Variants in PRELID2 observed in about 807,000 individuals in gnomAD.
PRELID2 encodes the protein PRELI domain-containing protein 2.
In PRELID2, 25 loss-of-function variants were observed where a neutral mutation model predicts 28.4. The ratio of observed to expected loss-of-function variants is 0.88; its 90% CI spans 0.64 to 1.23. The LOEUF (loss-of-function observed/expected upper bound fraction) is 1.23. Among genes scored for constraint, PRELID2 ranks in the 50% most tolerant of loss-of-function variants. PRELID2 has a pLI of 0.00. For synonymous variants in PRELID2, 76 were observed against 71.6 expected, an observed-to-expected ratio of 1.06 and a Z score of -0.31; for missense variants, 201 against 214.4, an observed-to-expected ratio of 0.94 and a Z score of 0.39.
At chr5:145,560,135 T>C (rs750125047) in intron 1 of PRELID2, among the ~76,000 whole-genome samples, 6 of 152,170 alleles carry the variant, frequency 3.9e-5, no homozygotes, top group Non-Finnish European at 8.8e-5. Context: ...GTCCTGAAAG[T>C]GAAAAACAGA....
chr5:145,782,530 T>A (rs1346130398), intron 5 of PRELID2, among the ~76,000 whole-genome samples: 1 of 152,206 alleles, frequency 6.6e-6, no homozygotes, highest in African/African-American at 2.4e-5. Flanking sequence ...TTATATTATA[T>A]CTGGTCTTCC....
At chr5:145,327,656 A>G in the PRELID2 span, among the ~76,000 whole-genome samples, 1 of 151,434 alleles carries the variant, frequency 6.6e-6, no homozygotes. Context: ...TTGTTTTCTG[A>G]TTGTTTTATA....
intron 1 of PRELID2, among the ~76,000 whole-genome samples, chr5:145,522,672 A>G (rs1321738588): frequency 6.6e-6 from 1 of 152,172 alleles, no homozygotes; most frequent in East Asian, 1.9e-4. Flanking sequence ...GCAATCTTGC[A>G]TTTACTTTAT....
the PRELID2 span, among the ~76,000 whole-genome samples, chr5:145,368,172 A>T: frequency 6.6e-6 from 1 of 151,972 alleles, no homozygotes; most frequent in African/African-American, 2.4e-5. Flanking sequence ...TGTCTGTCTT[A>T]TCCAAATCTG....
At chr5:145,514,251 C>T (rs1182841034) in intron 1 of PRELID2, among the ~76,000 whole-genome samples, 2 of 148,228 alleles carry the variant, frequency 1.3e-5, no homozygotes, top group Admixed American at 6.9e-5. Flanking sequence ...AGACTCATTT[C>T]ATGTGCACAG....
At chr5:145,584,857 C>T (rs1013745070) in intron 1 of PRELID2, among the ~76,000 whole-genome samples, 4 of 152,068 alleles carry the variant, frequency 2.6e-5, no homozygotes, top group African/African-American at 9.7e-5. Context: ...TTAGTTCAAC[C>T]GTGGTAGAAG....
At chr5:145,640,595 G>A (rs557491416) in intron 1 of PRELID2, among the ~76,000 whole-genome samples, 1 of 148,428 alleles carries the variant, frequency 6.7e-6, no homozygotes, top group Non-Finnish European at 1.5e-5. Context: ...AGTGATCCGA[G>A]ATCGCGCCAC....
At chr5:145,423,513 TC>T in the PRELID2 span, among the ~76,000 whole-genome samples, 180 of 151,762 alleles carry the variant, frequency 1.2e-3, 1 homozygote, top group African/African-American at 4.0e-3. Flanking sequence ...TACCCTTTCT[TC>T]CAGTTGATCG....
chr5:145,592,798 CAG>C (rs1753251108), intron 1 of PRELID2, among the ~76,000 whole-genome samples: 1 of 152,054 alleles, frequency 6.6e-6, no homozygotes, highest in Non-Finnish European at 1.5e-5. Context: ...ATGCAACCGA[CAG>C]ACATTGAAGA....
At chr5:145,813,483 C>T (rs1754087096) in intron 4 of PRELID2, among the ~76,000 whole-genome samples, 1 of 152,174 alleles carries the variant, frequency 6.6e-6, no homozygotes, top group Admixed American at 6.5e-5. Flanking sequence ...ACCCATTCTT[C>T]ATACCTGGGA....
chr5:145,802,957 C>G (rs1753237619), intron 4 of PRELID2, among the ~76,000 whole-genome samples: 1 of 152,182 alleles, frequency 6.6e-6, no homozygotes, highest in African/African-American at 2.4e-5. Flanking sequence ...AGCAAAAGCT[C>G]TTAATGAGAT....
chr5:145,306,957 C>T, the PRELID2 span, among the ~76,000 whole-genome samples: 1 of 152,114 alleles, frequency 6.6e-6, no homozygotes, highest in African/African-American at 2.4e-5. Flanking sequence ...GGAGATACAA[C>T]TACTTTTAAT....
the PRELID2 span, among the ~76,000 whole-genome samples, chr5:145,233,477 G>A: frequency 1.3e-5 from 2 of 152,176 alleles, no homozygotes; most frequent in East Asian, 3.9e-4. Context: ...CAAAGAAGAC[G>A]GACTTGGAGA....
chr5:145,384,449 T>C, the PRELID2 span, among the ~76,000 whole-genome samples: 1 of 152,034 alleles, frequency 6.6e-6, no homozygotes, highest in African/African-American at 2.4e-5. Context: ...TATAAATACA[T>C]GCAACAATAT....
the PRELID2 span, among the ~76,000 whole-genome samples, chr5:145,350,501 T>C: frequency 3.9e-5 from 6 of 152,032 alleles, no homozygotes; most frequent in African/African-American, 1.2e-4. Flanking sequence ...AAATGACAGG[T>C]TGAGAGTTGA....
chr5:145,619,982 G>A (rs1753752145), intron 1 of PRELID2, among the ~76,000 whole-genome samples: 1 of 152,158 alleles, frequency 6.6e-6, no homozygotes, highest in Non-Finnish European at 1.5e-5. Flanking sequence ...GGAATGAGAA[G>A]CAATGGAAAT....
the PRELID2 span, among the ~76,000 whole-genome samples, chr5:145,255,375 TA>T: frequency 6.6e-6 from 1 of 151,808 alleles, no homozygotes; most frequent in East Asian, 1.9e-4. Context: ...AAAACTATAC[TA>T]AAAAGAAATA....
intron 1 of PRELID2, among the ~76,000 whole-genome samples, chr5:145,609,859 C>A (rs1180008620): frequency 1.3e-5 from 2 of 152,198 alleles, no homozygotes; most frequent in African/African-American, 4.8e-5. Context: ...CTGCAGCCAC[C>A]TGATGAGTTC....
At chr5:145,543,404 T>A (rs1752761013) in intron 1 of PRELID2, among the ~76,000 whole-genome samples, 1 of 152,146 alleles carries the variant, frequency 6.6e-6, no homozygotes, top group East Asian at 1.9e-4. Flanking sequence ...ATTTAATCAA[T>A]CAATATATTA....
Sources: gnomAD v4.1 joint callset for allele counts (sites outside exome capture counted in the v4.1 genomes callset) on GRCh38, gnomAD v4.1.1 for gene constraint, MANE v1.5 for transcripts, NCBI Gene and HGNC (gene_info 2026-07-23, HGNC 2026-07-21) for gene names.